Variants in NIPBL observed in about 807,000 individuals in gnomAD.
The protein encoded by NIPBL is nipped-B-like protein.
NIPBL carries 19 observed loss-of-function variants against 321.8 expected under a neutral mutation model. The observed-to-expected ratio is 0.06, with a 90% CI of 0.04 to 0.09. The LOEUF (loss-of-function observed/expected upper bound fraction) is 0.09. Among genes scored for constraint, NIPBL ranks in the 10% least tolerant of loss-of-function variants. NIPBL has a pLI of 1.00. For synonymous variants in NIPBL, 1,106 were observed against 1,114.1 expected, an observed-to-expected ratio of 0.99 and a Z score of 0.14; for missense variants, 2,210 against 3,327.0, an observed-to-expected ratio of 0.66 and a Z score of 8.26.
At chr5:36,928,722 T>C (rs1195467757) in intron 1 of NIPBL, among the ~76,000 whole-genome samples, 1 of 152,176 alleles carries the variant, frequency 6.6e-6, no homozygotes, top group Non-Finnish European at 1.5e-5. Context: ...ACTGATCTGC[T>C]CTTTGTTTCT....
At position 37,015,633 on chromosome 5, in the gene NIPBL, G is replaced by A. The variant is rs562894569; in HGVS notation, c.4644-405G>A. On this transcript the variant is annotated intron_variant, in intron 22 of 46. Coordinates refer to ENST00000282516, the MANE Select transcript of NIPBL (RefSeq NM_133433.4). ...TAGTCCCAGCTACTTGAGAGGCTGA[G>A]GCAGGAGAATCGCTGGAACCCGGGA... Among the ~76,000 whole-genome samples, 3 of 152,252 alleles carry A rather than the reference G, an allele frequency of 2.0e-5. No individual in the cohort carries two copies. In the East Asian group the frequency reaches 5.9e-4, roughly 30 times the overall value.
At chr5:37,044,544 A>T (rs1752777281) in intron 35 of NIPBL, 57 bp downstream of exon 35, 5 of 1,590,786 alleles carry the variant, frequency 3.1e-6, no homozygotes, top group Middle Eastern at 1.7e-4. Flanking sequence ...AATGTATTTT[A>T]TTAAAATTTT....
intron 21 of NIPBL, among the ~76,000 whole-genome samples, chr5:37,013,983 A>C (rs1369377941): frequency 6.6e-6 from 1 of 152,216 alleles, no homozygotes; most frequent in Admixed American, 6.5e-5. Flanking sequence ...AGGCTGGCGG[A>C]TCACTCGCGG....
In NIPBL at chr5:37,014,480, C is replaced by T. The variant is rs1445412827; in HGVS notation, c.4561-203C>T. Among the ~76,000 whole-genome samples, 4 of 152,114 alleles carry T rather than the reference C, an allele frequency of 2.6e-5. No individual in the cohort carries two copies. The East Asian group carries it at 7.7e-4, about 29-fold the overall frequency. ...ACTCTTACATTATTTTAATAACACT[C>T]TATCTGTATTTTTATTTGTTTCTAT... On this transcript the variant is annotated intron_variant, in intron 21 of 46. Coordinates refer to ENST00000282516, the MANE Select transcript of NIPBL (RefSeq NM_133433.4).
intron 9 of NIPBL, 54 bp downstream of exon 9, chr5:36,976,456 G>C: frequency 6.3e-7 from 1 of 1,583,394 alleles, no homozygotes. Flanking sequence ...TGTAATTATA[G>C]TGTCAAAAAT....
intron 37 of NIPBL, among the ~76,000 whole-genome samples, 188 bp from the exon 38 acceptor site, chr5:37,045,921 A>C (rs1372113642): frequency 6.6e-6 from 1 of 152,220 alleles, no homozygotes; most frequent in Non-Finnish European, 1.5e-5. Flanking sequence ...TTACATTCCG[A>C]AACAAGCTTC....
chr5:37,042,841 AG>A (rs1752566199), intron 34 of NIPBL, among the ~76,000 whole-genome samples: 1 of 151,326 alleles, frequency 6.6e-6, no homozygotes, highest in African/African-American at 2.4e-5. Context: ...AAAAAAAGAA[AG>A]GAAAAAAAAA....
intron 1 of NIPBL, among the ~76,000 whole-genome samples, chr5:36,930,808 G>C (rs757898319): frequency 2.6e-5 from 4 of 152,064 alleles, no homozygotes; most frequent in Admixed American, 2.0e-4. Context: ...TGTAGCTTTA[G>C]TTGCTATTTC....
chr5:36,908,755 A>G (rs929681280), intron 1 of NIPBL, among the ~76,000 whole-genome samples: 7 of 152,242 alleles, frequency 4.6e-5, no homozygotes, highest in African/African-American at 1.7e-4. Context: ...AAGCAAAAAG[A>G]GAAATGGTCT....
intron 21 of NIPBL, among the ~76,000 whole-genome samples, chr5:37,013,463 C>A (rs1319566656): frequency 6.6e-6 from 1 of 150,792 alleles, no homozygotes; most frequent in Non-Finnish European, 1.5e-5. Flanking sequence ...GGGCGGCTGC[C>A]GGGCGGAGGG....
chr5:37,012,316 ATT>A (rs752962035), intron 21 of NIPBL, among the ~76,000 whole-genome samples: 19 of 134,638 alleles, frequency 1.4e-4, no homozygotes, highest in East Asian at 6.4e-4. Context: ...TGCCGGGCTA[ATT>A]TTTTTTTTTT....
At chr5:37,052,604 C>T (rs1243680128) in intron 42 of NIPBL, 38 bp downstream of exon 42, 3 of 1,519,880 alleles carry the variant, frequency 2.0e-6, no homozygotes, top group Non-Finnish European at 1.8e-6. Flanking sequence ...AAAATAAGTG[C>T]TCTAGAAATT....
chr5:36,997,635 C>A (rs1420064815), intron 11 of NIPBL, among the ~76,000 whole-genome samples: 1 of 152,130 alleles, frequency 6.6e-6, no homozygotes, highest in Non-Finnish European at 1.5e-5. Context: ...AGGAAAGTTT[C>A]TCTGGATTTT....
At chr5:37,032,932 TAA>T (rs1751236141) in intron 32 of NIPBL, among the ~76,000 whole-genome samples, 1 of 152,222 alleles carries the variant, frequency 6.6e-6, no homozygotes, top group African/African-American at 2.4e-5. Context: ...TTGGTACCTT[TAA>T]AAGATATTTT....
At chr5:37,012,844 A>G (rs1454394917) in intron 21 of NIPBL, among the ~76,000 whole-genome samples, 1 of 152,156 alleles carries the variant, frequency 6.6e-6, no homozygotes, top group Non-Finnish European at 1.5e-5. Context: ...GAACAAAATA[A>G]AAAGTCTCCC....
chr5:36,972,122 T>C (rs1742915475), intron 8 of NIPBL, 81 bp downstream of exon 8: 3 of 906,540 alleles, frequency 3.3e-6, no homozygotes, highest in African/African-American at 3.4e-5. Context: ...AAAGCAGATA[T>C]TAAAAAGTTA....
chr5:36,920,430 A>C (rs528298697), intron 1 of NIPBL, among the ~76,000 whole-genome samples: 1 of 152,208 alleles, frequency 6.6e-6, no homozygotes, highest in African/African-American at 2.4e-5. Context: ...GTGACTCTCA[A>C]CTTTTGATAT....
intron 42 of NIPBL, 141 bp from the exon 43 acceptor site, chr5:37,057,045 C>G (rs904061606): frequency 1.3e-6 from 1 of 768,970 alleles, no homozygotes; most frequent in Non-Finnish European, 2.2e-6. Context: ...GTGTCTCTCC[C>G]CACTCTCTCC....
intron 3 of NIPBL, among the ~76,000 whole-genome samples, chr5:36,956,531 A>G (rs1740968138): frequency 6.6e-6 from 1 of 151,956 alleles, no homozygotes; most frequent in Admixed American, 6.6e-5. Context: ...TGGAGAAGCT[A>G]AGAAATGATT....
Sources: gnomAD v4.1 joint callset for allele counts (sites outside exome capture counted in the v4.1 genomes callset) on GRCh38, gnomAD v4.1.1 for gene constraint, MANE v1.5 for transcripts, NCBI Gene and HGNC (gene_info 2026-07-23, HGNC 2026-07-21) for gene names.